The following CRTC3 variants were observed in gnomAD, a reference collection of about 807,000 sequenced individuals.
The protein encoded by CRTC3 is CREB-regulated transcription coactivator 3.
In CRTC3, 26 loss-of-function variants were observed where a neutral mutation model predicts 74.5. The observed-to-expected ratio is 0.35, with a 90% CI of 0.26 to 0.48. CRTC3 has a LOEUF of 0.48. Ranked by LOEUF, CRTC3 falls within the 20% of genes least tolerant of loss-of-function variation. The pLI, the probability that CRTC3 is intolerant of heterozygous loss-of-function variation, is 0.99. For synonymous variants in CRTC3, 377 were observed against 325.8 expected, an observed-to-expected ratio of 1.16 and a Z score of -1.69; for missense variants, 760 against 787.3, an observed-to-expected ratio of 0.97 and a Z score of 0.41.
rs766440737 is a variant in CRTC3 at position 90,530,800 on chromosome 15, C to T, written c.132+597C>T. ...GAGGTGCTTTATCGGGTCCAGTTTA[C>T]TTTGTTCGGCCCGGGATATTTAGTG... On this transcript the variant is annotated intron_variant, in intron 1 of 14. Transcript: ENST00000268184. This position sits in a 1 kb window ranked among gnomAD's most constrained non-coding sequence, Gnocchi z 6.2. The T allele has an allele frequency of 6.6e-6, 1 of 152,298 alleles. No individual in the cohort carries two copies. Among genetic ancestry groups the T allele is most frequent in the Non-Finnish European group, 1.5e-5 (1 of 68,128 alleles). The allele number at this position is 152,298 out of a possible 1,614,324, so 9.4% of individuals were successfully genotyped here. A position where few individuals can be genotyped will look rare whatever the true frequency, so the allele number is the denominator to read the frequency against.
intron 2 of CRTC3, among the ~76,000 whole-genome samples, chr15:90,573,361 T>A (rs1967322369): frequency 6.6e-6 from 1 of 152,226 alleles, no homozygotes; most frequent in Admixed American, 6.5e-5. Flanking sequence ...TTGGGAGTTT[T>A]ATGCTCTAAT....
rs1440299106 is a variant in CRTC3 at position 90,642,596 on chromosome 15, C to G, written c.*456C>G. The stretch of plus-strand genomic sequence containing the variant: ...ACCGGAGAGGGCACCTCGATGCCTG[C>G]TCTGACCTGACCCAGAGGGCGAGGC... On this transcript the variant is annotated 3_prime_UTR_variant, in exon 15 of 15. Transcript: ENST00000268184. The G allele has an allele frequency of 3.5e-6, 1 of 287,650 alleles. No homozygotes were observed. The highest frequency in any genetic ancestry group is 2.1e-5 in the African/African-American group (1 of 46,590). 17.8% of individuals were successfully genotyped at this position (287,650 alleles called of 1,614,324 possible).
At chr15:90,536,088 G>T (rs551137091) in intron 1 of CRTC3, among the ~76,000 whole-genome samples, 2 of 152,316 alleles carry the variant, frequency 1.3e-5, no homozygotes, top group South Asian at 4.1e-4. Context: ...GTTGCAATCA[G>T]TTGGCCATAT....
At chr15:90,576,187 T>G (rs1020848263) in intron 2 of CRTC3, among the ~76,000 whole-genome samples, 1 of 152,078 alleles carries the variant, frequency 6.6e-6, no homozygotes, top group African/African-American at 2.4e-5. Context: ...GAGGACCACT[T>G]GAGCCCAGGA....
In CRTC3 at chr15:90,642,046, C is replaced by T. The variant is rs1200884903; in HGVS notation, c.1766C>T (p.Pro589Leu). The T allele has an allele frequency of 2.5e-6, 4 of 1,613,994 alleles. No individual in the cohort carries two copies. Among genetic ancestry groups the T allele is most frequent in the Non-Finnish European group, 3.4e-6 (4 of 1,179,990 alleles). ...FPLEEELQIE[P>L]LSLDGLNMLS... ...CTGGAAGAGGAGCTGCAGATTGAAC[C>T]CCTGAGCCTGGACGGACTCAACATG... Residue 589 changes from proline (P) to leucine (L), a missense_variant, in exon 15 of 15, where the codon CCC becomes CTC. Coordinates refer to ENST00000268184, the MANE Select transcript of CRTC3 (RefSeq NM_022769.5).
chr15:90,589,008 C>T (rs931985488), intron 2 of CRTC3, among the ~76,000 whole-genome samples: 1 of 151,992 alleles, frequency 6.6e-6, no homozygotes, highest in Non-Finnish European at 1.5e-5. Flanking sequence ...TCTTTGACTC[C>T]GAATCATATG....
chr15:90,540,411 G>A (rs1411199406), intron 2 of CRTC3, among the ~76,000 whole-genome samples: 3 of 152,284 alleles, frequency 2.0e-5, no homozygotes, highest in African/African-American at 4.8e-5. Context: ...GAAGAAACAC[G>A]TGGGGTTAAT....
chr15:90,582,125 A>G (rs748724800), intron 2 of CRTC3, among the ~76,000 whole-genome samples: 2 of 152,204 alleles, frequency 1.3e-5, no homozygotes, highest in African/African-American at 2.4e-5. Context: ...TAAGAAGCAA[A>G]TCAGCTTCCT....
chr15:90,545,831 G>A (rs1326940462), intron 2 of CRTC3, among the ~76,000 whole-genome samples: 2 of 152,176 alleles, frequency 1.3e-5, no homozygotes, highest in Admixed American at 6.5e-5. Context: ...GCCCGCCTTG[G>A]CCTCCCAAAG....
intron 3 of CRTC3, chr15:90,595,276 C>G (rs1043240201): frequency 2.0e-5 from 3 of 152,168 alleles, no homozygotes; most frequent in African/African-American, 7.2e-5. Context: ...ATTGATTTAA[C>G]AATGTATTTT....
intron 7 of CRTC3, 131 bp from the exon 8 acceptor site, chr15:90,617,752 A>G (rs1968530823): frequency 4.9e-6 from 3 of 610,362 alleles, no homozygotes; most frequent in Non-Finnish European, 8.9e-6. Flanking sequence ...GCTTGTCTCA[A>G]ACTCCTGGGC....
Position 90,645,080 on chromosome 15 carries a change from C to T in CRTC3, c.*2940C>T, listed in dbSNP as rs909842542. ...TGAGCTGGTGTTGTATCTTCAAGTC[C>T]ATATGCGTATTTGCAGACCTTTCCT... On this transcript the variant is annotated 3_prime_UTR_variant, in exon 15 of 15. Transcript: ENST00000268184. 10 of 230,510 alleles carry T rather than the reference C, an allele frequency of 4.3e-5. No homozygotes were observed. The highest frequency in any genetic ancestry group is 8.6e-6 in the Non-Finnish European group (1 of 116,324). The allele number at this position is 230,510 out of a possible 1,614,324, so 14.3% of individuals were successfully genotyped here.
intron 9 of CRTC3, among the ~76,000 whole-genome samples, chr15:90,621,991 A>G (rs1968666796): frequency 6.6e-6 from 1 of 152,160 alleles, no homozygotes; most frequent in African/African-American, 2.4e-5. Flanking sequence ...GTGTGGGTAA[A>G]TGCACTGAAG....
chr15:90,593,322 T>G (rs1967843791), intron 2 of CRTC3, among the ~76,000 whole-genome samples: 3 of 152,206 alleles, frequency 2.0e-5, no homozygotes, highest in African/African-American at 7.2e-5. Context: ...CATTTCAAAG[T>G]GTCCTTTCTA....
At chr15:90,602,204 G>C in intron 3 of CRTC3, 120 bp from the exon 4 acceptor site, 1 of 655,568 alleles carries the variant, frequency 1.5e-6, no homozygotes, top group Non-Finnish European at 2.7e-6. Context: ...TGAAGGAAGA[G>C]CTGTCAGGTA....
chr15:90,567,329 T>A (rs1255670818), intron 2 of CRTC3, among the ~76,000 whole-genome samples: 1 of 152,070 alleles, frequency 6.6e-6, no homozygotes, highest in Non-Finnish European at 1.5e-5. Flanking sequence ...AAAAAAAGAT[T>A]CCTTTCAAAA....
At chr15:90,611,047 AC>A (rs1968344701) in intron 6 of CRTC3, among the ~76,000 whole-genome samples, 1 of 152,134 alleles carries the variant, frequency 6.6e-6, no homozygotes, top group Admixed American at 6.5e-5. Flanking sequence ...AATGCAAAGA[AC>A]CTTGAAAGAT....
chr15:90,614,839 G>A (rs1422764667), intron 7 of CRTC3, among the ~76,000 whole-genome samples: 1 of 152,112 alleles, frequency 6.6e-6, no homozygotes, highest in Non-Finnish European at 1.5e-5. Context: ...TGAGGTAGGT[G>A]GATCACTTGA....
chr15:90,603,894 A>G (rs558295641), intron 4 of CRTC3, among the ~76,000 whole-genome samples: 19 of 152,300 alleles, frequency 1.2e-4, no homozygotes, highest in East Asian at 3.9e-4. Context: ...AATAAATACA[A>G]TATTTTATTA....
Sources: gnomAD v4.1 joint callset for allele counts (sites outside exome capture counted in the v4.1 genomes callset) on GRCh38, gnomAD v4.1.1 for gene constraint, Gnocchi (gnomAD v3.1) non-coding constraint, MANE v1.5 for transcripts, NCBI Gene and HGNC (gene_info 2026-07-23, HGNC 2026-07-21) for gene names.